Variants in YWHAZ observed in about 807,000 individuals in gnomAD.
YWHAZ encodes tyrosine 3-monooxygenase/tryptophan 5-monooxygenase activation protein zeta.
For synonymous variants in YWHAZ, 87 were observed against 103.6 expected (o/e 0.84, Z 0.97); for missense variants, 79 against 284.8 (o/e 0.28, Z 5.20).
chr8:100,929,508 T>C (rs1286490417), intron 2 of YWHAZ, among the ~76,000 whole-genome samples: 3 of 152,342 alleles, frequency 2.0e-5, no homozygotes, highest in Middle Eastern at 3.4e-3. Flanking sequence ...GCCTCAAACA[T>C]TGATCTTCTA....
rs200558589 is a variant in YWHAZ, at chr8:100,925,068, A to C, written c.295-29T>G. 3 of 1,577,596 alleles carry C rather than the reference A, an allele frequency of 1.9e-6. No individual in the cohort carries two copies. In the East Asian group the frequency reaches 6.7e-5, roughly 35 times the overall value. Reference sequence around the variant, plus strand: ...AAGAAGAAAAGAAACAGACATAGTGAGAATAAAACATTTACAAAACTGAAA... The same window carrying C: ...AAGAAGAAAAGAAACAGACATAGTGCGAATAAAACATTTACAAAACTGAAA... On this transcript the variant is annotated intron_variant, in intron 2 of 5. Transcript: ENST00000395958.
intron 5 of YWHAZ, 74 bp downstream of exon 5, chr8:100,923,878 TAAA>T: frequency 9.7e-7 from 1 of 1,025,924 alleles, no homozygotes; most frequent in Non-Finnish European, 1.3e-6. Flanking sequence ...ATGTATTTAA[TAAA>T]AAAAAAAATT....
chr8:100,945,094 C>T (rs1228672275), intron 2 of YWHAZ, among the ~76,000 whole-genome samples: 1 of 152,192 alleles, frequency 6.6e-6, no homozygotes, highest in Admixed American at 6.5e-5. Context: ...TTTGTCTAAG[C>T]ATCTGGCAGG....
rs1433014754 is a variant in YWHAZ at position 100,920,604 on chromosome 8, A to G, written c.*89T>C. On this transcript the variant is annotated 3_prime_UTR_variant, in exon 6 of 6. Transcript: ENST00000395958. Reference sequence around the variant, plus strand: ...GTAACATAAACCTGTCATAAATCGTAAACAAAAAACTATTTGTGGGACAGC... The same window carrying G: ...GTAACATAAACCTGTCATAAATCGTGAACAAAAAACTATTTGTGGGACAGC... 8 of 1,244,940 alleles carry G rather than the reference A, an allele frequency of 6.4e-6. No homozygotes were observed. The highest frequency in any genetic ancestry group is 9.4e-6 in the Non-Finnish European group (8 of 851,500). 77.1% of individuals were successfully genotyped at this position (1,244,940 alleles called of 1,614,324 possible).
intron 2 of YWHAZ, among the ~76,000 whole-genome samples, chr8:100,938,315 A>G (rs1490023837): frequency 6.6e-6 from 1 of 152,226 alleles, no homozygotes; most frequent in East Asian, 1.9e-4. Context: ...GTATGACCTC[A>G]TGTAAATAGC....
intron 2 of YWHAZ, among the ~76,000 whole-genome samples, chr8:100,941,158 A>G (rs1324808726): frequency 6.6e-6 from 1 of 152,254 alleles, no homozygotes; most frequent in East Asian, 1.9e-4. Context: ...CAGCTTGCCT[A>G]TATAATACTA....
In YWHAZ at chr8:100,917,490, T is replaced by A. The variant is rs142848129; in HGVS notation, c.*3203A>T. On this transcript the variant is annotated 3_prime_UTR_variant, in exon 6 of 6. Transcript: ENST00000395958. ...ATCCCAGCACTTTGGGAGGCCGAGG[T>A]GGGCGGATCACAAGGTCAGGAGAAT... The A allele has an allele frequency of 6.6e-6, 1 of 152,214 alleles. No individual in the cohort carries two copies. The highest frequency in any genetic ancestry group is 2.1e-4 in the South Asian group (1 of 4,818). The allele number at this position is 152,214 out of a possible 1,614,324, so 9.4% of individuals were successfully genotyped here. A position where few individuals can be genotyped will look rare whatever the true frequency, so the allele number is the denominator to read the frequency against.
intron 2 of YWHAZ, among the ~76,000 whole-genome samples, chr8:100,945,388 A>G (rs1426888325): frequency 6.6e-6 from 1 of 152,214 alleles, no homozygotes; most frequent in South Asian, 2.1e-4. Flanking sequence ...TTGTAGGAAG[A>G]AAGTTTATTT....
At chr8:100,947,988 T>C in intron 2 of YWHAZ, 1 of 978,222 alleles carries the variant, frequency 1.0e-6, no homozygotes, top group Non-Finnish European at 1.5e-6. Context: ...CAGTAAGTAC[T>C]GAATACTTAA....
chr8:100,949,736 T>C (rs1376956421), intron 1 of YWHAZ, among the ~76,000 whole-genome samples: 1 of 152,210 alleles, frequency 6.6e-6, no homozygotes, highest in Non-Finnish European at 1.5e-5. Context: ...TGCATTTTGC[T>C]TCTAGCCATC....
In YWHAZ at chr8:100,948,871, C is replaced by G. The variant is rs1810496610; in HGVS notation, c.19G>C (p.Val7Leu). The G allele has an allele frequency of 6.3e-7, 1 of 1,594,744 alleles. No individual in the cohort carries two copies. Among genetic ancestry groups the G allele is most frequent in the Non-Finnish European group, 8.5e-7 (1 of 1,177,078 alleles). MDKNELVQKAKLAEQAE... is the reference protein window; with the variant it reads MDKNELLQKAKLAEQAE... ...TGCTCGGCCAGTTTGGCCTTCTGAA[C>G]CAGCTCATTTTTATCCATGACTGGA... The change falls in exon 2 of 6, where the codon GTT becomes CTT. Residue 7 changes from valine (V) to leucine (L), a missense_variant. Val to Leu is a conservative substitution (Grantham distance 32). Transcript: ENST00000395958. This position sits in a 1 kb window ranked among gnomAD's most constrained non-coding sequence, Gnocchi z 4.2.
intron 2 of YWHAZ, among the ~76,000 whole-genome samples, chr8:100,925,536 A>G (rs906071492): frequency 2.6e-5 from 4 of 152,214 alleles, no homozygotes; most frequent in Non-Finnish European, 5.9e-5. Flanking sequence ...AACTTCATTT[A>G]TAACAACACA....
intron 2 of YWHAZ, among the ~76,000 whole-genome samples, chr8:100,943,988 AAAAAAAAAAG>A (rs1385564135): frequency 3.4e-5 from 5 of 149,042 alleles, no homozygotes; most frequent in East Asian, 1.9e-4. Context: ...CTCCGTCTCA[AAAAAAAAAAG>A]AAAAAAGAAA....
At chr8:100,952,500 T>A (rs1810876525), upstream of YWHAZ, 1 of 154,790 alleles carries the variant, frequency 6.5e-6, no homozygotes, top group African/African-American at 2.4e-5. Flanking sequence ...CCGTCTGCGC[T>A]TGCCCCAGTC....
At chr8:100,920,802 G>GC (rs773621226) in intron 5 of YWHAZ, 50 bp from the exon 6 acceptor site, 1 of 829,988 alleles carries the variant, frequency 1.2e-6, no homozygotes, top group Non-Finnish European at 1.8e-6. Context: ...GGATGGGGGG[G>GC]GGGGGGCGTT....
chr8:100,951,658 C>T, intron 1 of YWHAZ: 3 of 985,232 alleles, frequency 3.0e-6, no homozygotes, highest in Non-Finnish European at 3.6e-6. Flanking sequence ...GGGCGCCCTA[C>T]CCACCCCCGG....
At chr8:100,920,948 G>T (rs1812983037) in intron 5 of YWHAZ, among the ~76,000 whole-genome samples, 196 bp from the exon 6 acceptor site, 1 of 152,136 alleles carries the variant, frequency 6.6e-6, no homozygotes. Flanking sequence ...ATATAAGCAG[G>T]TTAAGTACAC....
At chr8:100,936,710 T>A (rs1025932032) in intron 2 of YWHAZ, among the ~76,000 whole-genome samples, 2 of 151,784 alleles carry the variant, frequency 1.3e-5, no homozygotes, top group African/African-American at 2.4e-5. Flanking sequence ...CTGAGGCAGG[T>A]GAATCGCTTG....
At chr8:100,952,914 C>T (rs886504758), upstream of YWHAZ, 22 of 1,000,376 alleles carry the variant, frequency 2.2e-5, no homozygotes, top group African/African-American at 1.2e-4. Context: ...AGGCGTCCAG[C>T]CCCTGAGTGT....
Sources: gnomAD v4.1 joint callset for allele counts (sites outside exome capture counted in the v4.1 genomes callset) on GRCh38, gnomAD v4.1.1 for gene constraint, Gnocchi (gnomAD v3.1) non-coding constraint, MANE v1.5 for transcripts, NCBI Gene and HGNC (gene_info 2026-07-23, HGNC 2026-07-21) for gene names.